Variants in OSBPL10 observed in about 807,000 individuals in gnomAD.
OSBPL10 encodes oxysterol binding protein like 10.
OSBPL10 carries 49 observed loss-of-function variants against 81.7 expected under a neutral mutation model. That is an observed-to-expected ratio of 0.60 (90% CI 0.48 to 0.76). OSBPL10 has a LOEUF of 0.76. OSBPL10 is among the 30% of genes least tolerant of loss of function. The pLI is 0.00. For synonymous variants in OSBPL10, 419 were observed against 383.6 expected (o/e 1.09, Z -1.08); for missense variants, 923 against 987.8 (o/e 0.93, Z 0.88).
intron 1 of OSBPL10, among the ~76,000 whole-genome samples, chr3:31,953,361 C>T (rs1697922008): frequency 6.6e-6 from 1 of 151,718 alleles, no homozygotes. Flanking sequence ...TATTTAATAC[C>T]CCCACACACA....
At chr3:31,785,659 A>C (rs776267704) in intron 4 of OSBPL10, among the ~76,000 whole-genome samples, 9 of 152,126 alleles carry the variant, frequency 5.9e-5, no homozygotes, top group Non-Finnish European at 1.3e-4. Flanking sequence ...TTCATTCTAT[A>C]AAATGAAGAG....
intron 6 of OSBPL10, among the ~76,000 whole-genome samples, chr3:31,720,881 C>CAAAAAAAAAAAAAAAAAAAAA (rs61492992): frequency 3.0e-5 from 2 of 66,310 alleles, no homozygotes; most frequent in Non-Finnish European, 5.7e-5. Context: ...GACTCTGTCT[C>CAAAAAAAAAAAAAAAAAAAAA]AAAAAAAAAA....
chr3:31,850,700 T>C (rs142167345), intron 3 of OSBPL10, among the ~76,000 whole-genome samples: 1 of 152,370 alleles, frequency 6.6e-6, no homozygotes, highest in Non-Finnish European at 1.5e-5. Context: ...CTATTCGTCA[T>C]CATGCCATCA....
chr3:32,054,526 CTTTTTTTT>C, intron 1 of OSBPL10, among the ~76,000 whole-genome samples: 1 of 86,624 alleles, frequency 1.2e-5, no homozygotes, highest in South Asian at 4.7e-4. Context: ...TCAATGGTGG[CTTTTTTTT>C]TTTTTTTTTT....
intron 1 of OSBPL10, among the ~76,000 whole-genome samples, chr3:31,949,759 T>C (rs762418070): frequency 2.0e-5 from 3 of 148,846 alleles, no homozygotes; most frequent in South Asian, 4.2e-4. Context: ...AAAGCCTTAA[T>C]TGAGAGAGGT....
chr3:31,889,123 T>A lies in OSBPL10; in HGVS notation c.282-9293A>T, dbSNP rs1051510710. Among the ~76,000 whole-genome samples, 3 of 152,138 alleles carry A rather than the reference T, an allele frequency of 2.0e-5. No homozygotes were observed. In the East Asian group the frequency reaches 5.8e-4, roughly 29 times the overall value. Reference sequence around the variant, plus strand: ...AGGAATCATCTAACCCCAGCTCGCATGGCTATTATCAAAAAGACAAAAAAT... The same window carrying A: ...AGGAATCATCTAACCCCAGCTCGCAAGGCTATTATCAAAAAGACAAAAAAT... On this transcript the variant is annotated intron_variant, in intron 1 of 11. Coordinates refer to ENST00000396556, the MANE Select transcript of OSBPL10 (RefSeq NM_017784.5).
chr3:31,706,256 A>G (rs1291534751), intron 6 of OSBPL10, among the ~76,000 whole-genome samples: 1 of 152,202 alleles, frequency 6.6e-6, no homozygotes, highest in African/African-American at 2.4e-5. Context: ...GCCCGGAGCA[A>G]GGGTTCTTGG....
chr3:31,662,684 C>T, intron 11 of OSBPL10: 1 of 985,506 alleles, frequency 1.0e-6, no homozygotes, highest in Non-Finnish European at 1.2e-6. Flanking sequence ...TCAGATGACT[C>T]TTATTCCTTA....
intron 1 of OSBPL10, among the ~76,000 whole-genome samples, chr3:31,924,352 A>C (rs1294381148): frequency 1.3e-5 from 2 of 152,206 alleles, no homozygotes; most frequent in East Asian, 3.9e-4. Context: ...GAGGGGAGAG[A>C]GCCCCACCAC....
At chr3:31,950,446 T>A (rs1697834372) in intron 1 of OSBPL10, among the ~76,000 whole-genome samples, 1 of 152,214 alleles carries the variant, frequency 6.6e-6, no homozygotes, top group South Asian at 2.1e-4. Flanking sequence ...AAATTAAGAA[T>A]TCTTACTATA....
At chr3:31,739,634 T>C (rs1697279603) in intron 5 of OSBPL10, among the ~76,000 whole-genome samples, 1 of 152,070 alleles carries the variant, frequency 6.6e-6, no homozygotes, top group South Asian at 2.1e-4. Context: ...ACCAAAGAAA[T>C]GCCATGTGTG....
At chr3:31,682,220 G>A (rs938464984) in intron 8 of OSBPL10, among the ~76,000 whole-genome samples, 25 of 151,920 alleles carry the variant, frequency 1.6e-4, no homozygotes, top group African/African-American at 5.8e-4. Context: ...CATTACCCCC[G>A]CCCAGGGTCT....
At chr3:31,754,932 T>G (rs1269367135) in intron 4 of OSBPL10, among the ~76,000 whole-genome samples, 2 of 152,198 alleles carry the variant, frequency 1.3e-5, no homozygotes, top group African/African-American at 4.8e-5. Flanking sequence ...GGGTCCCATT[T>G]GCTTTTTTTC....
chr3:31,897,551 C>A (rs560255580), intron 1 of OSBPL10, among the ~76,000 whole-genome samples: 2 of 152,112 alleles, frequency 1.3e-5, no homozygotes, highest in Admixed American at 1.3e-4. Context: ...CACTTAGTGC[C>A]AAACAGGTTA....
At chr3:31,813,121 T>C (rs1381014921) in intron 4 of OSBPL10, among the ~76,000 whole-genome samples, 2 of 152,238 alleles carry the variant, frequency 1.3e-5, no homozygotes, top group African/African-American at 4.8e-5. Flanking sequence ...AAGACTGTTA[T>C]CCTTGGACTG....
At chr3:31,876,572 C>A in intron 2 of OSBPL10, 60 bp from the exon 3 acceptor site, 1 of 1,411,158 alleles carries the variant, frequency 7.1e-7, no homozygotes, top group Non-Finnish European at 1.0e-6. Context: ...ACACATCCAA[C>A]TTATTTCTAC....
intron 6 of OSBPL10, among the ~76,000 whole-genome samples, chr3:31,726,349 G>A (rs138401057): frequency 1.3e-5 from 2 of 151,628 alleles, no homozygotes; most frequent in East Asian, 1.9e-4. Flanking sequence ...ACAGAGTCTC[G>A]CTCTGTTGAC....
At chr3:31,962,557 C>G (rs1412374972) in intron 1 of OSBPL10, among the ~76,000 whole-genome samples, 2 of 151,698 alleles carry the variant, frequency 1.3e-5, no homozygotes, top group African/African-American at 2.4e-5. Flanking sequence ...ATTTCACCAT[C>G]TTTAAATGGG....
At chr3:32,019,350 AT>A (rs1364213045) in intron 2 of OSBPL10, among the ~76,000 whole-genome samples, 1 of 152,250 alleles carries the variant, frequency 6.6e-6, no homozygotes, top group Admixed American at 6.5e-5. Context: ...ATGAAAAAAA[AT>A]AAGGCATCAT....
Sources: allele counts gnomAD v4.1 joint callset (sites outside exome capture counted in the v4.1 genomes callset), GRCh38; gene constraint gnomAD v4.1.1; transcripts MANE v1.5; gene names NCBI Gene and HGNC (gene_info 2026-07-23, HGNC 2026-07-21).